The following TRANK1 variants were observed in gnomAD, a reference collection of about 807,000 sequenced individuals.
TRANK1 encodes the protein TPR and ankyrin repeat-containing protein 1.
TRANK1 carries 198 observed loss-of-function variants against 266.0 expected under a neutral mutation model. The observed-to-expected ratio is 0.74, with a 90% CI of 0.66 to 0.84. TRANK1 has a LOEUF of 0.84. TRANK1 is among the 40% of genes least tolerant of loss of function. TRANK1 has a pLI of 0.00. For missense variants in TRANK1, 3,326 were observed against 3,634.6 expected, an observed-to-expected ratio of 0.92 and a Z score of 2.18; for synonymous variants, 1,396 against 1,384.1, an observed-to-expected ratio of 1.01 and a Z score of -0.19.
chr3:36,831,098 T>C lies in TRANK1; in HGVS notation c.8485A>G (p.Arg2829Gly), dbSNP rs527483304. 4 of 1,614,010 alleles carry C rather than the reference T, an allele frequency of 2.5e-6. No individual in the cohort carries two copies. Among genetic ancestry groups the C allele is most frequent in the Middle Eastern group, 3.3e-4 (2 of 6,062 alleles). The change falls in exon 22 of 24, where the codon AGG becomes GGG. Residue 2829 changes from arginine to glycine, a missense_variant. Coordinates refer to ENST00000645898, the MANE Select transcript of TRANK1 (RefSeq NM_001329998.2). This position sits in a 1 kb window ranked among gnomAD's most constrained non-coding sequence, Gnocchi z 5.0. Reference protein sequence around the residue: ...EQHIHLEHHQRQQVAYQKYSE... With the variant: ...EQHIHLEHHQGQQVAYQKYSE... ...TATTTCTGGTAGGCCACTTGCTGCC[T>C]CTGGTGGTGTTCTAGATGGATATGC...
At chr3:36,899,360 A>C in intron 3 of TRANK1, 101 bp from the exon 4 acceptor site, 1 of 1,318,734 alleles carries the variant, frequency 7.6e-7, no homozygotes, top group East Asian at 2.6e-5. Context: ...CCAACTCTAA[A>C]AGTCTGACTT....
chr3:36,891,429 G>T (rs2079693828), intron 7 of TRANK1, among the ~76,000 whole-genome samples: 1 of 152,124 alleles, frequency 6.6e-6, no homozygotes, highest in South Asian at 2.1e-4. Context: ...GGGGTCCCAG[G>T]CCTCAAGCCC....
intron 9 of TRANK1, among the ~76,000 whole-genome samples, chr3:36,870,420 A>AAGAGAG (rs34639575): frequency 6.9e-6 from 1 of 145,314 alleles, no homozygotes; most frequent in Non-Finnish European, 1.5e-5. Flanking sequence ...AAAAAAAAAA[A>AAGAGAG]AGAGAGAGAG....
At chr3:36,925,375 T>C (rs982019745) in intron 1 of TRANK1, among the ~76,000 whole-genome samples, 2 of 152,210 alleles carry the variant, frequency 1.3e-5, no homozygotes, top group African/African-American at 4.8e-5. Flanking sequence ...AAGTTCTCTA[T>C]CTTCCTCTTT....
In TRANK1 at chr3:36,899,412, C is replaced by T. The variant is rs555395684; in HGVS notation, c.283-153G>A. Among the ~76,000 whole-genome samples, 15 of 152,236 alleles carry T rather than the reference C, an allele frequency of 9.9e-5. No individual in the cohort carries two copies. In the South Asian group the frequency reaches 1.9e-3, roughly 19 times the overall value. On this transcript the variant is annotated intron_variant, in intron 3 of 23. Transcript: ENST00000645898. ...GCTCATGCCTGTAATCCTAACATTCCGAGAGATCAAGGCAGGAGGATCGCT... is the reference window on the plus strand; with the variant it reads ...GCTCATGCCTGTAATCCTAACATTCTGAGAGATCAAGGCAGGAGGATCGCT...
chr3:36,903,223 A>G lies in TRANK1; in HGVS notation c.208T>C (p.Phe70Leu), dbSNP rs1215190012. The change falls in exon 3 of 24, where the codon TTC becomes CTC. Residue 70 changes from phenylalanine (F) to leucine (L), a missense_variant. Coordinates refer to ENST00000645898, the MANE Select transcript of TRANK1 (RefSeq NM_001329998.2). ...VLLCNKSNAF[F>L]SLGKWNEAFV... ...GCCTCATTCCACTTCCCAAGGCTGA[A>G]AAATGCATTTGATTTGTTGCACAGC... 6.5e-7 allele frequency: 1 copy of G among 1,537,338 alleles called. No individual in the cohort carries two copies. Among genetic ancestry groups the G allele is most frequent in the East Asian group, 2.4e-5 (1 of 40,922 alleles).
At chr3:36,905,239 C>T (rs1364760435) in intron 2 of TRANK1, among the ~76,000 whole-genome samples, 2 of 149,506 alleles carry the variant, frequency 1.3e-5, no homozygotes, top group East Asian at 3.9e-4. Flanking sequence ...TGCAGTGAGC[C>T]GAGATCGTGC....
intron 1 of TRANK1, 193 bp from the exon 2 acceptor site, chr3:36,908,647 G>C: frequency 8.2e-7 from 1 of 1,222,546 alleles, no homozygotes; most frequent in East Asian, 3.2e-5. Flanking sequence ...TTCTTTGTCA[G>C]TTCTTTTCTG....
intron 2 of TRANK1, among the ~76,000 whole-genome samples, chr3:36,904,138 T>C (rs1365354640): frequency 6.6e-6 from 1 of 151,792 alleles, no homozygotes; most frequent in African/African-American, 2.4e-5. Context: ...GTATTTCTAG[T>C]AGAGATGGGG....
At chr3:36,943,593 C>T (rs1436394576) in intron 1 of TRANK1, among the ~76,000 whole-genome samples, 4 of 149,884 alleles carry the variant, frequency 2.7e-5, no homozygotes, top group African/African-American at 9.8e-5. Context: ...AAACAAACTC[C>T]TGACCACCGT....
chr3:36,904,833 C>T (rs2079938691), intron 2 of TRANK1, among the ~76,000 whole-genome samples: 1 of 152,122 alleles, frequency 6.6e-6, no homozygotes, highest in South Asian at 2.1e-4. Context: ...CTGGCCAGTG[C>T]AGCCATTCCC....
Position 36,828,044 on chromosome 3 carries a change from G to T in TRANK1, c.*231C>A, listed in dbSNP as rs2078650486. On this transcript the variant is annotated 3_prime_UTR_variant, in exon 24 of 24. Transcript: ENST00000645898. ...AACTTCTCTACCTGAATTTGTTTGT[G>T]GGGGAAACTAATACTGCCAGACTCT... is the stretch of plus-strand genomic sequence containing the variant. 4 of 484,906 alleles carry T rather than the reference G, an allele frequency of 8.2e-6. No homozygotes were observed. Among genetic ancestry groups the T allele is most frequent in the Admixed American group, 6.8e-5 (2 of 29,592 alleles). The allele number at this position is 484,906 out of a possible 1,614,324, so 30.0% of individuals were successfully genotyped here. A position where few individuals can be genotyped will look rare whatever the true frequency, so the allele number is the denominator to read the frequency against.
intron 1 of TRANK1, among the ~76,000 whole-genome samples, chr3:36,923,091 C>T (rs1339046855): frequency 1.3e-5 from 2 of 152,154 alleles, no homozygotes; most frequent in Non-Finnish European, 2.9e-5. Context: ...CAGCACTGCA[C>T]GTAGCATTCT....
chr3:36,842,816 G>C, intron 17 of TRANK1, 106 bp from the exon 18 acceptor site: 1 of 996,438 alleles, frequency 1.0e-6, no homozygotes, highest in South Asian at 1.4e-5. Flanking sequence ...AAATTCACTT[G>C]TTAAAGTCCT....
At chr3:36,925,431 G>A (rs968759645) in intron 1 of TRANK1, among the ~76,000 whole-genome samples, 3 of 152,032 alleles carry the variant, frequency 2.0e-5, no homozygotes, top group Admixed American at 6.6e-5. Flanking sequence ...TGCTGGTGCT[G>A]AGATAAGACT....
At position 36,831,199 on chromosome 3, in the gene TRANK1, G is replaced by A. The variant is rs749164015; in HGVS notation, c.8384C>T (p.Ser2795Phe). ...SPSKAFEGAA[S>F]EVAVLSRAEL... is the part of the protein sequence containing the mutation. Reference sequence around the variant, plus strand: ...AGCCCTGGAAAGGACTGCCACCTCGGAAGCTGCCCCCTCAAACGCTTTGCT... The same window carrying A: ...AGCCCTGGAAAGGACTGCCACCTCGAAAGCTGCCCCCTCAAACGCTTTGCT... The change falls in exon 22 of 24, where the codon TCC (serine) becomes TTC (phenylalanine). Residue 2795 changes from serine (S) to phenylalanine (F), a missense_variant. Transcript: ENST00000645898. This position sits in a 1 kb window ranked among gnomAD's most constrained non-coding sequence, Gnocchi z 5.0. 1.2e-6 allele frequency: 2 copies of A among 1,613,900 alleles called. No individual in the cohort carries two copies. Among genetic ancestry groups the A allele is most frequent in the Admixed American group, 3.3e-5 (2 of 60,016 alleles).
Position 36,900,598 on chromosome 3 carries a change from G to A in TRANK1, c.283-1339C>T, listed in dbSNP as rs113203756. On this transcript the variant is annotated intron_variant, in intron 3 of 23. Coordinates refer to ENST00000645898, the MANE Select transcript of TRANK1 (RefSeq NM_001329998.2). ...TTTCTGTCTCAGATAACAGAAAGCC[G>A]GGTGTAGTGACTCTAGCCTGTAATT... 4.6e-3 allele frequency among the ~76,000 whole-genome samples: 692 copies of A among 152,072 alleles called. 4 individuals carry two copies. Among genetic ancestry groups the A allele is most frequent in the African/African-American group, 0.016 (660 of 41,458 alleles).
At chr3:36,906,286 C>A (rs564502548) in intron 2 of TRANK1, among the ~76,000 whole-genome samples, 8 of 152,210 alleles carry the variant, frequency 5.3e-5, no homozygotes, top group Non-Finnish European at 1.2e-4. Context: ...TAATTTGGTG[C>A]CATTTCCTAG....
chr3:36,873,163 G>C (rs1037157485), intron 9 of TRANK1, among the ~76,000 whole-genome samples: 2 of 152,178 alleles, frequency 1.3e-5, no homozygotes, highest in African/African-American at 2.4e-5. Context: ...AGGCAGGGGG[G>C]AGTGTAACTT....
Sources: allele counts gnomAD v4.1 joint callset (sites outside exome capture counted in the v4.1 genomes callset), GRCh38; gene constraint gnomAD v4.1.1; non-coding constraint Gnocchi (gnomAD v3.1); transcripts MANE v1.5; gene names NCBI Gene and HGNC (gene_info 2026-07-23, HGNC 2026-07-21).